The following CREB5 variants were observed in gnomAD, a reference collection of about 807,000 sequenced individuals.
The protein encoded by CREB5 is cAMP responsive element binding protein 5, also known as cyclic AMP-responsive element-binding protein 5.
In CREB5, 19 loss-of-function variants were observed where a neutral mutation model predicts 57.1. The ratio of observed to expected loss-of-function variants is 0.33; its 90% confidence interval spans 0.23 to 0.49. CREB5 has a LOEUF of 0.49. Ranked by LOEUF, CREB5 falls within the 20% of genes least tolerant of loss-of-function variation. CREB5 has a pLI of 0.99. For missense variants in CREB5, 579 were observed against 671.6 expected (o/e 0.86, Z 1.52); for synonymous variants, 238 against 238.3 (o/e 1.00, Z 0.01).
At chr7:28,480,566 T>C (rs1791282360) in intron 1 of CREB5, among the ~76,000 whole-genome samples, 1 of 152,236 alleles carries the variant, frequency 6.6e-6, no homozygotes, top group Non-Finnish European at 1.5e-5. Flanking sequence ...TTGCCACCAG[T>C]CAGCATGTTT....
intron 5 of CREB5, among the ~76,000 whole-genome samples, chr7:28,593,009 C>T (rs1796577778): frequency 6.6e-6 from 1 of 152,186 alleles, no homozygotes; most frequent in Non-Finnish European, 1.5e-5. Flanking sequence ...GTGTGCATGG[C>T]ACAACCACAG....
chr7:28,552,183 G>A (rs989963915), intron 4 of CREB5, among the ~76,000 whole-genome samples: 14 of 152,112 alleles, frequency 9.2e-5, no homozygotes, highest in Middle Eastern at 3.4e-3. Context: ...GATTACAGGC[G>A]CCTGCCACCA....
chr7:28,324,728 T>C (rs1785552279), intron 1 of CREB5, among the ~76,000 whole-genome samples: 1 of 152,216 alleles, frequency 6.6e-6, no homozygotes, highest in Admixed American at 6.5e-5. Context: ...TTGCTTTGAC[T>C]TTCAGATTTT....
intron 4 of CREB5, among the ~76,000 whole-genome samples, chr7:28,565,065 A>T (rs1795425718): frequency 6.6e-6 from 1 of 152,228 alleles, no homozygotes; most frequent in South Asian, 2.1e-4. Context: ...GGAAGGGTAG[A>T]CAAACTGGAC....
intron 5 of CREB5, among the ~76,000 whole-genome samples, chr7:28,660,881 C>T (rs1799584799): frequency 6.6e-6 from 1 of 152,174 alleles, no homozygotes; most frequent in Non-Finnish European, 1.5e-5. Flanking sequence ...CTTACATTCC[C>T]CCTCCTTGCT....
intron 1 of CREB5, among the ~76,000 whole-genome samples, chr7:28,417,005 A>C (rs1788054798): frequency 6.6e-6 from 1 of 152,190 alleles, no homozygotes; most frequent in Non-Finnish European, 1.5e-5. Flanking sequence ...ATGGCATAAC[A>C]AGCTCTGTCC....
intron 7 of CREB5, among the ~76,000 whole-genome samples, chr7:28,756,985 G>A (rs1805355377): frequency 6.6e-6 from 1 of 152,136 alleles, no homozygotes; most frequent in Non-Finnish European, 1.5e-5. Context: ...TAAATTTTGA[G>A]AATCTGCAAC....
At chr7:28,348,503 T>A (rs1353326300) in intron 1 of CREB5, among the ~76,000 whole-genome samples, 1 of 152,012 alleles carries the variant, frequency 6.6e-6, no homozygotes, top group African/African-American at 2.4e-5. Context: ...CAGCATACTA[T>A]CTGGCCCACA....
chr7:28,334,045 C>T (rs148048591), intron 1 of CREB5, among the ~76,000 whole-genome samples: 223 of 152,276 alleles, frequency 1.5e-3, no homozygotes, highest in African/African-American at 5.2e-3. Context: ...TCCTTGCCAG[C>T]GTTTGTAATT....
At chr7:28,580,426 C>A (rs1405953563) in intron 5 of CREB5, among the ~76,000 whole-genome samples, 1 of 111,864 alleles carries the variant, frequency 8.9e-6, no homozygotes, top group Non-Finnish European at 1.8e-5. Flanking sequence ...CAATCCCCCC[C>A]CACCACACAC....
intron 4 of CREB5, among the ~76,000 whole-genome samples, chr7:28,551,955 TTCTC>T (rs148251006): frequency 0.023 from 3,393 of 147,832 alleles, 60 homozygotes; most frequent in Non-Finnish European, 0.037. Context: ...TTTTTATTCT[TTCTC>T]TTTTTTATTC....
chr7:28,325,482 C>A (rs889285165), intron 1 of CREB5, among the ~76,000 whole-genome samples: 3 of 152,012 alleles, frequency 2.0e-5, no homozygotes, highest in African/African-American at 7.2e-5. Flanking sequence ...GTAAATCAAA[C>A]CATGCTTAAA....
chr7:28,574,912 A>G (rs1795846810), intron 5 of CREB5, among the ~76,000 whole-genome samples: 2 of 152,238 alleles, frequency 1.3e-5, no homozygotes. Flanking sequence ...GCATTTGGTT[A>G]TAAACCCTAT....
At chr7:28,454,023 G>T (rs987900811) in intron 1 of CREB5, among the ~76,000 whole-genome samples, 1 of 150,498 alleles carries the variant, frequency 6.6e-6, no homozygotes, top group Non-Finnish European at 1.5e-5. Flanking sequence ...GCATGATCTC[G>T]GCTCACTGTA....
chr7:28,670,992 C>T (rs978506378), intron 5 of CREB5, among the ~76,000 whole-genome samples: 2 of 152,140 alleles, frequency 1.3e-5, no homozygotes, highest in African/African-American at 2.4e-5. Context: ...ATAACTGTGG[C>T]GGAGAGTGGT....
chr7:28,734,881 C>T lies in CREB5; in HGVS notation c.702+10549C>T, dbSNP rs75222629. On this transcript the variant is annotated intron_variant, in intron 7 of 10. Transcript: ENST00000357727. ...AAAGTTGTCTTAAATATTTTTTGGC[C>T]GCTTGATTTTATTCTTTGATAAATT... 9.7e-3 allele frequency among the ~76,000 whole-genome samples: 1,476 copies of T among 151,956 alleles called. 22 individuals are homozygous for T. Among genetic ancestry groups the T allele is most frequent in the African/African-American group, 0.033 (1,384 of 41,458 alleles).
At chr7:28,685,541 C>T (rs1800835508) in intron 5 of CREB5, among the ~76,000 whole-genome samples, 3 of 152,150 alleles carry the variant, frequency 2.0e-5, no homozygotes, top group African/African-American at 7.2e-5. Flanking sequence ...GAACCAAAGC[C>T]CAAGCTGCTA....
At chr7:28,377,939 AAAAAAAC>A (rs1469108051) in intron 1 of CREB5, among the ~76,000 whole-genome samples, 3 of 150,546 alleles carry the variant, frequency 2.0e-5, no homozygotes, top group Non-Finnish European at 1.5e-5. Context: ...CTCAAAAAAA[AAAAAAAC>A]AAAAAAGAAA....
At chr7:28,720,442 A>C (rs976365622) in intron 6 of CREB5, among the ~76,000 whole-genome samples, 1 of 152,216 alleles carries the variant, frequency 6.6e-6, no homozygotes, top group African/African-American at 2.4e-5. Context: ...CCAATGTCAC[A>C]CAGCTTGTGA....
Sources: allele counts gnomAD v4.1 joint callset (sites outside exome capture counted in the v4.1 genomes callset), GRCh38; gene constraint gnomAD v4.1.1; transcripts MANE v1.5; gene names NCBI Gene and HGNC (gene_info 2026-07-23, HGNC 2026-07-21).